The following RP1 variants were observed in gnomAD, a reference collection of about 807,000 sequenced individuals.
The protein encoded by RP1 is oxygen-regulated protein 1.
Under a neutral mutation model 14.8 loss-of-function variants are expected in RP1, and 16 were observed. The observed-to-expected ratio is 1.08, with a 90% CI of 0.73 to 1.65. The LOEUF (loss-of-function observed/expected upper bound fraction) is 1.65. RP1 is among the 40% of genes most tolerant of loss of function. The pLI is 0.00. For synonymous variants in RP1, 876 were observed against 883.6 expected (o/e 0.99, Z 0.15); for missense variants, 2,631 against 2,535.0 (o/e 1.04, Z -0.81).
exon 4 of RP1, chr8:54,649,072 A>G (rs561363224): frequency 2.6e-6 from 4 of 1,532,764 alleles, no homozygotes; most frequent in Admixed American, 2.0e-5. Context: ...TATGGACAAC[A>G]TAGAAGTTCA....
intron 24 of RP1, among the ~76,000 whole-genome samples, chr8:54,821,064 G>A (rs1321281840): frequency 3.9e-5 from 6 of 152,226 alleles, no homozygotes; most frequent in Non-Finnish European, 2.9e-5. Flanking sequence ...GCCAAAGGTG[G>A]ACTCAGTGAT....
intron 8 of RP1, among the ~76,000 whole-genome samples, chr8:54,678,087 T>A (rs144253601): frequency 6.6e-6 from 1 of 152,326 alleles, no homozygotes; most frequent in African/African-American, 2.4e-5. Context: ...AAAAACTTCC[T>A]GGAAGTAGAA....
rs1563332992 is a variant in RP1 at position 54,629,130 on chromosome 8, GA to G, written c.5252del (p.Asn1751IlefsTer4). 2 of 1,614,106 alleles carry G rather than the reference GA, an allele frequency of 1.2e-6. No homozygotes were observed. The highest frequency in any genetic ancestry group is 2.2e-5 in the South Asian group (2 of 91,070). On this transcript the variant is annotated frameshift_variant, in exon 4 of 4. Transcript: ENST00000220676. LOFTEE classifies it low-confidence loss of function (END_TRUNC). ...TGACAAAGGCAAATGGCTTCTGAAA[GA>G]AAATCATTTGCTAAGGATGTCATCT... ...LIDKGKWLLKENHLLRMSSEN... is the reference protein window; with the variant it reads ...LIDKGKWLLKXNHLLRMSSEN...
At chr8:54,593,721 T>A (rs1805086145) in intron 1 of RP1, among the ~76,000 whole-genome samples, 1 of 152,198 alleles carries the variant, frequency 6.6e-6, no homozygotes, top group Non-Finnish European at 1.5e-5. Flanking sequence ...GGGCCGTCAA[T>A]GACCACTCAG....
intron 1 of RP1, among the ~76,000 whole-genome samples, chr8:54,591,115 A>T (rs1563320140): frequency 6.6e-6 from 1 of 152,208 alleles, no homozygotes. Context: ...CTAGCAGAGC[A>T]GCAAGGCTCC....
chr8:54,800,317 G>A (rs796422727), intron 24 of RP1, among the ~76,000 whole-genome samples: 1 of 151,952 alleles, frequency 6.6e-6, no homozygotes, highest in African/African-American at 2.4e-5. Context: ...CTCTGTGTGT[G>A]TTGGGGGGGT....
intron 14 of RP1, among the ~76,000 whole-genome samples, chr8:54,704,977 G>A (rs1257707011): frequency 6.6e-6 from 1 of 151,924 alleles, no homozygotes; most frequent in Non-Finnish European, 1.5e-5. Context: ...TCTTAGCTTA[G>A]AAAATTAAAA....
chr8:54,589,580 T>A (rs1323818377), intron 1 of RP1, among the ~76,000 whole-genome samples: 2 of 152,194 alleles, frequency 1.3e-5, no homozygotes, highest in Admixed American at 1.3e-4. Context: ...GCTGCTCAGC[T>A]CTTCCTGATC....
chr8:54,762,657 G>GT (rs1295526948), intron 22 of RP1, among the ~76,000 whole-genome samples: 1 of 152,134 alleles, frequency 6.6e-6, no homozygotes, highest in African/African-American at 2.4e-5. Flanking sequence ...TTAGCTTCCT[G>GT]TGGCTGCCGT....
At chr8:54,838,429 C>G (rs1269319442) in intron 25 of RP1, among the ~76,000 whole-genome samples, 1 of 152,008 alleles carries the variant, frequency 6.6e-6, no homozygotes, top group Non-Finnish European at 1.5e-5. Flanking sequence ...AATGAAATTA[C>G]TGTGTATATG....
chr8:54,780,291 T>C (rs1407402198), intron 23 of RP1, among the ~76,000 whole-genome samples: 2 of 152,354 alleles, frequency 1.3e-5, no homozygotes, highest in East Asian at 1.9e-4. Flanking sequence ...TGGACTATGA[T>C]GTCTGCAAGG....
chr8:54,641,877 T>C (rs1358232760), intron 3 of RP1, among the ~76,000 whole-genome samples: 2 of 152,216 alleles, frequency 1.3e-5, no homozygotes, highest in African/African-American at 2.4e-5. Context: ...GTTTAACTTA[T>C]CTAAAATCAA....
chr8:54,656,661 G>A (rs73682007), intron 6 of RP1, among the ~76,000 whole-genome samples: 11,333 of 151,062 alleles, frequency 0.075, 1,377 homozygotes, highest in African/African-American at 0.25. Context: ...ATGTGTTCAA[G>A]CCTTGTGTAA....
chr8:54,755,697 T>C (rs1228259547), exon 21 of RP1: 4 of 1,535,652 alleles, frequency 2.6e-6, no homozygotes, highest in African/African-American at 1.4e-5. Flanking sequence ...CTCTGTCTCT[T>C]TGGGGAGAGG....
intron 7 of RP1, among the ~76,000 whole-genome samples, chr8:54,671,306 T>C (rs1325782672): frequency 2.0e-5 from 3 of 152,172 alleles, no homozygotes; most frequent in African/African-American, 7.2e-5. Context: ...GTGTCTACGT[T>C]GGATTTCTTT....
chr8:54,826,031 T>G (rs777394872), intron 24 of RP1, among the ~76,000 whole-genome samples: 5 of 152,122 alleles, frequency 3.3e-5, no homozygotes, highest in Non-Finnish European at 7.4e-5. Context: ...TTGTAACCAC[T>G]GCACTCCAGC....
At chr8:54,714,216 G>A (rs148504629) in intron 15 of RP1, among the ~76,000 whole-genome samples, 13 of 152,108 alleles carry the variant, frequency 8.5e-5, no homozygotes, top group African/African-American at 1.7e-4. Flanking sequence ...GTGAGCCACC[G>A]CACCCAGCCT....
At chr8:54,581,036 A>G (rs961319695) in intron 1 of RP1, among the ~76,000 whole-genome samples, 3 of 151,998 alleles carry the variant, frequency 2.0e-5, no homozygotes, top group South Asian at 4.1e-4. Flanking sequence ...TTAAGTTTTA[A>G]GGTATATGTG....
chr8:54,716,412 T>TA (rs578187464), intron 15 of RP1, among the ~76,000 whole-genome samples: 13 of 151,492 alleles, frequency 8.6e-5, no homozygotes, highest in Admixed American at 3.3e-4. Context: ...TACAAAGACT[T>TA]AAAAAAAAAT....
Sources: gnomAD v4.1 joint callset for allele counts (sites outside exome capture counted in the v4.1 genomes callset) on GRCh38, gnomAD v4.1.1 for gene constraint, MANE v1.5 for transcripts, NCBI Gene and HGNC (gene_info 2026-07-23, HGNC 2026-07-21) for gene names.